SPIDR: variants seen among roughly 807,000 people sequenced by gnomAD.
SPIDR encodes scaffold protein involved in DNA repair.
Under a neutral mutation model 104.6 loss-of-function variants are expected in SPIDR, and 93 were observed. That is an observed-to-expected ratio of 0.89 (90% CI 0.75 to 1.06). SPIDR has a LOEUF of 1.06. Ranked by LOEUF, SPIDR falls within the 50% of genes least tolerant of loss-of-function variation. The pLI, the probability that SPIDR is intolerant of heterozygous loss-of-function variation, is 0.00. For missense variants in SPIDR, 1,154 were observed against 1,111.2 expected, an observed-to-expected ratio of 1.04 and a Z score of -0.55; for synonymous variants, 431 against 416.9, an observed-to-expected ratio of 1.03 and a Z score of -0.41.
At chr8:47,470,679 A>G (rs928182089) in intron 8 of SPIDR, among the ~76,000 whole-genome samples, 4 of 152,202 alleles carry the variant, frequency 2.6e-5, no homozygotes, top group Non-Finnish European at 5.9e-5. Flanking sequence ...AATTAATGAC[A>G]TTGAGCCCTT....
chr8:47,305,166 A>G (rs920698266), intron 5 of SPIDR, among the ~76,000 whole-genome samples: 2 of 152,242 alleles, frequency 1.3e-5, no homozygotes, highest in South Asian at 2.1e-4. Context: ...GAGACATAGC[A>G]GTGAATTCTC....
chr8:47,321,543 C>T (rs1342904713), intron 5 of SPIDR, among the ~76,000 whole-genome samples: 3 of 152,082 alleles, frequency 2.0e-5, no homozygotes, highest in African/African-American at 7.2e-5. Flanking sequence ...AGATTCAGTG[C>T]GATCCCCATC....
chr8:47,389,029 C>T (rs10099236), intron 5 of SPIDR, among the ~76,000 whole-genome samples: 110,323 of 152,100 alleles, frequency 0.73, 40,192 homozygotes, highest in East Asian at 0.81. Flanking sequence ...GACTCCTCCT[C>T]CCAAACTTGC....
chr8:47,701,392 A>G (rs7812323), intron 12 of SPIDR, among the ~76,000 whole-genome samples: 22,352 of 152,188 alleles, frequency 0.15, 2,563 homozygotes, highest in African/African-American at 0.3. Context: ...AGATCGTGCC[A>G]TTGCACTCCA....
intron 19 of SPIDR, chr8:47,732,154 A>G: frequency 2.8e-6 from 2 of 702,596 alleles, no homozygotes; most frequent in East Asian, 5.4e-5. Flanking sequence ...GAACCCTGGC[A>G]GAAATCCTCC....
intron 1 of SPIDR, among the ~76,000 whole-genome samples, chr8:47,265,324 G>A (rs1400187821): frequency 2.0e-5 from 3 of 151,684 alleles, no homozygotes; most frequent in Non-Finnish European, 4.4e-5. Flanking sequence ...TGAGTAGCTG[G>A]GACCACAGGC....
At position 47,727,404 on chromosome 8, in the gene SPIDR, G is replaced by A. The variant is rs943014250; in HGVS notation, c.2435+111G>A. The A allele has an allele frequency of 5.4e-6, 5 of 922,606 alleles. No individual in the cohort carries two copies. In the African/African-American group the frequency reaches 8.2e-5, roughly 15 times the overall value. The allele number at this position is 922,606 out of a possible 1,614,324, so 57.2% of individuals were successfully genotyped here. A position where few individuals can be genotyped will look rare whatever the true frequency, so the allele number is the denominator to read the frequency against. ...CAGGTGACTCCCTCGAGAGCTCAAG[G>A]GGCAACCTCTGCCTCTGCTGAGCAG... On this transcript the variant is annotated intron_variant, in intron 17 of 19. Coordinates refer to ENST00000297423, the MANE Select transcript of SPIDR (RefSeq NM_001080394.4).
rs557765785 is a variant in SPIDR at position 47,397,428 on chromosome 8, G to A, written c.776+802G>A. On this transcript the variant is annotated intron_variant, in intron 6 of 19. Transcript: ENST00000297423. Reference sequence around the variant, plus strand: ...GGAGAATTGCTTGAATCTGGGAGGCGGAGGTTGCAGTGAGCTGAGATCGTG... The same window carrying A: ...GGAGAATTGCTTGAATCTGGGAGGCAGAGGTTGCAGTGAGCTGAGATCGTG... Among the ~76,000 whole-genome samples, 18 of 152,118 alleles carry A rather than the reference G, an allele frequency of 1.2e-4. No individual in the cohort carries two copies. The South Asian group carries it at 2.1e-3, about 18-fold the overall frequency.
chr8:47,278,332 T>C (rs2037013534), intron 1 of SPIDR, among the ~76,000 whole-genome samples: 1 of 151,542 alleles, frequency 6.6e-6, no homozygotes. Context: ...TTTTTTTTTT[T>C]TTTCAAAGAC....
At chr8:47,305,721 G>A (rs1295003626) in intron 5 of SPIDR, among the ~76,000 whole-genome samples, 11 of 152,132 alleles carry the variant, frequency 7.2e-5, no homozygotes, top group African/African-American at 9.7e-5. Context: ...TAGTGAGTTA[G>A]AATAAAATGA....
chr8:47,413,598 A>G (rs953846840), intron 7 of SPIDR, among the ~76,000 whole-genome samples: 2 of 152,222 alleles, frequency 1.3e-5, no homozygotes, highest in African/African-American at 4.8e-5. Flanking sequence ...AATTGTAAAT[A>G]TCTTCCAAGT....
chr8:47,539,610 TA>T (rs2087701074), intron 8 of SPIDR, among the ~76,000 whole-genome samples: 1 of 152,182 alleles, frequency 6.6e-6, no homozygotes, highest in Non-Finnish European at 1.5e-5. Context: ...ACTTGACTGT[TA>T]TTCTGGTGTT....
chr8:47,388,079 T>C (rs903743680), intron 5 of SPIDR, among the ~76,000 whole-genome samples: 2 of 152,212 alleles, frequency 1.3e-5, no homozygotes, highest in Non-Finnish European at 2.9e-5. Context: ...TCTGTATCTT[T>C]ATCGGTTGAG....
intron 16 of SPIDR, among the ~76,000 whole-genome samples, chr8:47,724,507 C>G (rs2083909619): frequency 6.6e-6 from 1 of 152,194 alleles, no homozygotes; most frequent in Non-Finnish European, 1.5e-5. Context: ...CTGTTCTGCT[C>G]TGCCCTGGTC....
intron 5 of SPIDR, among the ~76,000 whole-genome samples, chr8:47,331,800 A>G (rs1479071342): frequency 6.6e-6 from 1 of 151,944 alleles, no homozygotes; most frequent in East Asian, 1.9e-4. Context: ...ACTTTGTAAT[A>G]GCTCTTTTGT....
intron 8 of SPIDR, among the ~76,000 whole-genome samples, chr8:47,539,456 T>C (rs1056149644): frequency 1.3e-5 from 2 of 152,176 alleles, no homozygotes; most frequent in African/African-American, 4.8e-5. Context: ...GACTTTTCAA[T>C]GTTATTAATT....
At chr8:47,329,668 T>C (rs1214070564) in intron 5 of SPIDR, among the ~76,000 whole-genome samples, 7 of 152,242 alleles carry the variant, frequency 4.6e-5, no homozygotes, top group Non-Finnish European at 1.0e-4. Flanking sequence ...TATGCTATTA[T>C]TGTTATACAT....
At chr8:47,298,580 G>A (rs1297792312) in intron 5 of SPIDR, among the ~76,000 whole-genome samples, 2 of 152,118 alleles carry the variant, frequency 1.3e-5, no homozygotes, top group African/African-American at 2.4e-5. Context: ...GGTTTTTATG[G>A]TTTTAGGTCT....
chr8:47,730,600 A>T (rs1382474644), intron 19 of SPIDR, among the ~76,000 whole-genome samples: 1 of 152,092 alleles, frequency 6.6e-6, no homozygotes. Context: ...ATTTTTTTTT[A>T]GGCAGAGTCT....
Sources: allele counts gnomAD v4.1 joint callset (sites outside exome capture counted in the v4.1 genomes callset), GRCh38; gene constraint gnomAD v4.1.1; transcripts MANE v1.5; gene names NCBI Gene and HGNC (gene_info 2026-07-23, HGNC 2026-07-21).